ZBTB20: variants seen among roughly 807,000 people sequenced by gnomAD.
The protein encoded by ZBTB20 is zinc finger and BTB domain-containing protein 20.
ZBTB20 carries 9 observed loss-of-function variants against 56.9 expected under a neutral mutation model. That is an observed-to-expected ratio of 0.16 (90% CI 0.10 to 0.28). The LOEUF is 0.28. Among genes scored for constraint, ZBTB20 ranks in the 10% least tolerant of loss-of-function variants. The probability of loss-of-function intolerance (pLI) is 1.00; values close to 1 mark genes in which losing one functional copy is unlikely to be tolerated. For missense variants in ZBTB20, 655 were observed against 1,003.0 expected, an observed-to-expected ratio of 0.65 and a Z score of 4.69; for synonymous variants, 417 against 420.7, an observed-to-expected ratio of 0.99 and a Z score of 0.11.
At chr3:114,950,572 A>G (rs1445143051) in intron 3 of ZBTB20, among the ~76,000 whole-genome samples, 1 of 152,166 alleles carries the variant, frequency 6.6e-6, no homozygotes, top group African/African-American at 2.4e-5. Flanking sequence ...CTGTGCTGCT[A>G]CTGATCATGT....
chr3:114,687,972 G>A (rs2062448409), intron 6 of ZBTB20: 1 of 152,212 alleles, frequency 6.6e-6, no homozygotes, highest in Admixed American at 6.5e-5. Flanking sequence ...TCTCACATCT[G>A]TAATCCCAGT....
chr3:114,791,028 T>C (rs1029201380), intron 5 of ZBTB20, among the ~76,000 whole-genome samples: 2 of 152,166 alleles, frequency 1.3e-5, no homozygotes, highest in Admixed American at 6.6e-5. Context: ...CCACTAGTAC[T>C]TCTATTGTAA....
intron 7 of ZBTB20, among the ~76,000 whole-genome samples, chr3:114,437,814 G>A (rs2090616729): frequency 6.6e-6 from 1 of 152,060 alleles, no homozygotes; most frequent in African/African-American, 2.4e-5. Flanking sequence ...CAGGAATGTC[G>A]AACACCCCTT....
At chr3:114,434,541 G>GGGGTGTGTGTGTGTGTTTGTGTGTGTGT (rs1553711977) in intron 7 of ZBTB20, among the ~76,000 whole-genome samples, 68 of 85,826 alleles carry the variant, frequency 7.9e-4, no homozygotes, top group African/African-American at 1.9e-3. Flanking sequence ...CTGCAATTGG[G>GGGGTGTGTGTGTGTGTTTGTGTGTGTGT]GTGTGTGTGT....
chr3:114,409,201 G>A (rs2087680368), intron 7 of ZBTB20, among the ~76,000 whole-genome samples: 1 of 126,248 alleles, frequency 7.9e-6, no homozygotes, highest in South Asian at 2.5e-4. Flanking sequence ...TGAAAACTCC[G>A]TTCTGAAGAT....
intron 6 of ZBTB20, among the ~76,000 whole-genome samples, chr3:114,558,298 C>A (rs1006297095): frequency 6.6e-6 from 1 of 151,992 alleles, no homozygotes; most frequent in Non-Finnish European, 1.5e-5. Flanking sequence ...AATTCCCTTA[C>A]CTATTGAGAT....
At chr3:114,952,228 G>A (rs573764806) in intron 3 of ZBTB20, among the ~76,000 whole-genome samples, 1 of 152,078 alleles carries the variant, frequency 6.6e-6, no homozygotes, top group Non-Finnish European at 1.5e-5. Flanking sequence ...AAGTAAGATA[G>A]ACTAATGTCA....
chr3:114,772,993 A>C (rs2069327552), intron 5 of ZBTB20, among the ~76,000 whole-genome samples: 1 of 152,148 alleles, frequency 6.6e-6, no homozygotes, highest in South Asian at 2.1e-4. Flanking sequence ...GGAAATTTGA[A>C]AGATGTCAAG....
At chr3:115,093,450 C>G (rs1057394686) in intron 1 of ZBTB20, among the ~76,000 whole-genome samples, 3 of 152,004 alleles carry the variant, frequency 2.0e-5, no homozygotes, top group Non-Finnish European at 4.4e-5. Flanking sequence ...ATGTGTTGGT[C>G]AAAATTACTA....
intron 2 of ZBTB20, among the ~76,000 whole-genome samples, chr3:114,992,074 TTC>T (rs1006011480): frequency 6.6e-6 from 1 of 151,976 alleles, no homozygotes; most frequent in African/African-American, 2.4e-5. Context: ...ACTTTTCAAC[TTC>T]TCTCTCTTTC....
intron 1 of ZBTB20, among the ~76,000 whole-genome samples, chr3:115,135,687 T>A (rs374384270): frequency 1.6e-4 from 24 of 152,272 alleles, no homozygotes; most frequent in African/African-American, 5.1e-4. Flanking sequence ...TATATAGGAA[T>A]TACATGTGTC....
At chr3:114,794,106 T>G (rs964719583) in intron 5 of ZBTB20, among the ~76,000 whole-genome samples, 4 of 151,902 alleles carry the variant, frequency 2.6e-5, no homozygotes, top group African/African-American at 7.3e-5. Context: ...AAACCTCACT[T>G]ACTGGCTTTG....
chr3:114,570,682 T>A (rs2053323520), intron 6 of ZBTB20, among the ~76,000 whole-genome samples: 1 of 152,166 alleles, frequency 6.6e-6, no homozygotes, highest in Admixed American at 6.5e-5. Flanking sequence ...AATGCTTTGT[T>A]AGCAAATAAG....
chr3:114,772,317 G>A (rs937895114), intron 5 of ZBTB20, among the ~76,000 whole-genome samples: 3 of 152,024 alleles, frequency 2.0e-5, no homozygotes, highest in Non-Finnish European at 4.4e-5. Flanking sequence ...CCCAGCCTGG[G>A]TAACAGAGTG....
intron 5 of ZBTB20, among the ~76,000 whole-genome samples, chr3:114,745,591 C>A (rs1231454297): frequency 6.6e-6 from 1 of 152,290 alleles, no homozygotes; most frequent in Non-Finnish European, 1.5e-5. Flanking sequence ...AGAACCTTTT[C>A]TGTTCCTGAT....
intron 6 of ZBTB20, among the ~76,000 whole-genome samples, chr3:114,549,683 C>T (rs563530403): frequency 2.8e-4 from 42 of 151,282 alleles, no homozygotes; most frequent in South Asian, 8.4e-4. Context: ...CTAATCATCA[C>T]ACTAAGGATT....
intron 6 of ZBTB20, among the ~76,000 whole-genome samples, chr3:114,510,233 T>G (rs1177566371): frequency 7.9e-5 from 12 of 152,170 alleles, no homozygotes; most frequent in Non-Finnish European, 1.5e-5. Flanking sequence ...AACCATAGAT[T>G]CATTTTCAGT....
intron 7 of ZBTB20, among the ~76,000 whole-genome samples, chr3:114,456,215 A>ATG (rs2092007843): frequency 9.5e-5 from 14 of 148,068 alleles, no homozygotes; most frequent in South Asian, 2.1e-4. Context: ...ATATATATGG[A>ATG]GAGAGAGAGA....
At chr3:114,932,885 A>C (rs2076405981) in intron 3 of ZBTB20, among the ~76,000 whole-genome samples, 1 of 152,138 alleles carries the variant, frequency 6.6e-6, no homozygotes, top group Non-Finnish European at 1.5e-5. Flanking sequence ...TTTTTTGAAC[A>C]ATAGATTGCA....
Sources: allele counts gnomAD v4.1 joint callset (sites outside exome capture counted in the v4.1 genomes callset), GRCh38; gene constraint gnomAD v4.1.1; transcripts MANE v1.5; gene names NCBI Gene and HGNC (gene_info 2026-07-23, HGNC 2026-07-21).